The following CELSR3 variants were observed in gnomAD, a reference collection of about 807,000 sequenced individuals.
CELSR3 encodes the protein cadherin EGF LAG seven-pass G-type receptor 3.
Under a neutral mutation model 270.0 loss-of-function variants are expected in CELSR3, and 73 were observed. The ratio of observed to expected loss-of-function variants is 0.27; its 90% CI spans 0.22 to 0.33. The LOEUF is 0.33. Among genes scored for constraint, CELSR3 ranks in the 10% least tolerant of loss-of-function variants. The pLI is 1.00. For synonymous variants in CELSR3, 1,780 were observed against 1,905.4 expected (o/e 0.93, Z 1.71); for missense variants, 3,614 against 4,533.8 (o/e 0.80, Z 5.83).
At position 48,644,692 on chromosome 3, in the gene CELSR3, G is replaced by C; in HGVS notation, c.8085+24C>G. On this transcript the variant is annotated intron_variant, in intron 26 of 34. Transcript: ENST00000164024. This position sits in a 1 kb window ranked among gnomAD's most constrained non-coding sequence, Gnocchi z 4.8. ...CCAATGAGGGAGGGAAGTACAGAGG[G>C]GGCACCAAGTCCAGGGCACTCACCA... 1 of 1,574,490 alleles carries C rather than the reference G, an allele frequency of 6.4e-7. No individual in the cohort carries two copies. The highest frequency in any genetic ancestry group is 8.7e-7 in the Non-Finnish European group (1 of 1,145,056).
Position 48,649,188 on chromosome 3 carries a change from G to A in CELSR3, c.6500C>T (p.Ala2167Val), listed in dbSNP as rs748223065. ...LGAAVRLCDE[A>V]QGWLEPDLFN... ...GAGGTCGGGCTCCAGCCAACCCTGG[G>A]CCTCATCACACAGCCGCACAGCAGC... The change falls in exon 17 of 35, where the codon GCC (alanine) becomes GTC (valine). Residue 2167 changes from alanine (A) to valine (V), a missense_variant. Physicochemically the swap from Ala to Val is moderately conservative, Grantham distance 64 (BLOSUM62 0). This residue lies in a region of CELSR3 where 1,331 missense variants were observed against 1,933.7 expected (regional missense o/e 0.69). Coordinates refer to ENST00000164024, the MANE Select transcript of CELSR3 (RefSeq NM_001407.3). The A allele has an allele frequency of 4.3e-6, 7 of 1,611,682 alleles. No homozygotes were observed. The highest frequency in any genetic ancestry group is 5.9e-6 in the Non-Finnish European group (7 of 1,179,228).
In CELSR3 at chr3:48,662,593, C is replaced by A; in HGVS notation, c.42G>T (p.Arg14=). ...GAAGGAGCAGGAGTATGGGGGTCGA[C>A]CGTCCCCCGAGGCCCCGCCACGGCG... ...RRPPWRGLGG[R]STPILLLLLL... is the part of the protein sequence containing the mutation. Residue 14 remains arginine, a synonymous_variant, in exon 1 of 35, where the codon CGG becomes CGT. Coordinates refer to ENST00000164024, the MANE Select transcript of CELSR3 (RefSeq NM_001407.3). This position sits in a 1 kb window ranked among gnomAD's most constrained non-coding sequence, Gnocchi z 7.1. 6.7e-7 allele frequency: 1 copy of A among 1,485,514 alleles called. No individual in the cohort carries two copies. The highest frequency in any genetic ancestry group is 2.2e-4 in the Middle Eastern group (1 of 4,582). The allele number at this position is 1,485,514 out of a possible 1,614,324, so 92.0% of individuals were successfully genotyped here. A position where few individuals can be genotyped will look rare whatever the true frequency, so the allele number is the denominator to read the frequency against.
Position 48,642,826 on chromosome 3 carries a change from G to T in CELSR3, c.8465C>A (p.Thr2822Asn), listed in dbSNP as rs754411287. Residue 2822 changes from threonine (T) to asparagine (N), a missense_variant, in exon 30 of 35, where the codon ACT becomes AAT. Thr to Asn is a moderately conservative substitution (Grantham distance 65, BLOSUM62 0). Around this residue, in one of 7 missense-constraint regions of CELSR3, gnomAD observed 1,240 missense variants for 1,351.7 expected, o/e 0.92. Coordinates refer to ENST00000164024, the MANE Select transcript of CELSR3 (RefSeq NM_001407.3). This position sits in a 1 kb window ranked among gnomAD's most constrained non-coding sequence, Gnocchi z 6.1. Reference protein sequence around the residue: ...LFEESGLIRITLGASTVSSVS... With the variant: ...LFEESGLIRINLGASTVSSVS... ...AGAGGAGACGGTGGAGGCGCCCAGA[G>T]TGATGCGGATGAGGCCACTCTCCTC... is the stretch of plus-strand genomic sequence containing the variant. 6.2e-7 allele frequency: 1 copy of T among 1,613,238 alleles called. No homozygotes were observed. Among genetic ancestry groups the T allele is most frequent in the East Asian group, 2.2e-5 (1 of 44,884 alleles).
In CELSR3 at chr3:48,636,691, C is replaced by T. The variant is rs1367721145; in HGVS notation, c.*1514G>A. On this transcript the variant is annotated 3_prime_UTR_variant, in exon 35 of 35. Transcript: ENST00000164024. ...TTGGGTCCTGGCTGGTGGGATTTAGCTCCAGTCAGGGAAGTAGAATTTCTA... is the reference window on the plus strand; with the variant it reads ...TTGGGTCCTGGCTGGTGGGATTTAGTTCCAGTCAGGGAAGTAGAATTTCTA... 2 of 152,230 alleles carry T rather than the reference C, an allele frequency of 1.3e-5. No homozygotes were observed. The highest frequency in any genetic ancestry group is 4.8e-5 in the African/African-American group (2 of 41,442). The allele number at this position is 152,230 out of a possible 1,614,324, so 9.4% of individuals were successfully genotyped here. A position where few individuals can be genotyped will look rare whatever the true frequency, so the allele number is the denominator to read the frequency against.
chr3:48,644,936 A>ATATC lies in CELSR3; in HGVS notation c.7972+98_7972+99insGATA. ...GGCAGAGCAGCAACCCCATGAATAGATGGCTTGGGGTTTGAGGTTGGGGGT... is the reference window on the plus strand; with the variant it reads ...GGCAGAGCAGCAACCCCATGAATAGATATCTGGCTTGGGGTTTGAGGTTGGGGGT... On this transcript the variant is annotated intron_variant, in intron 25 of 34. Transcript: ENST00000164024. This position sits in a 1 kb window ranked among gnomAD's most constrained non-coding sequence, Gnocchi z 4.8. The ATATC allele has an allele frequency of 6.6e-7, 1 of 1,514,364 alleles. No individual in the cohort carries two copies. Among genetic ancestry groups the ATATC allele is most frequent in the African/African-American group, 1.4e-5 (1 of 73,134 alleles). The allele number at this position is 1,514,364 out of a possible 1,614,324, so 93.8% of individuals were successfully genotyped here.
Position 48,661,299 on chromosome 3 carries a change from C to T in CELSR3, c.1336G>A (p.Val446Met). The change falls in exon 1 of 35, where the codon GTG becomes ATG. Residue 446 changes from valine (V) to methionine (M), a missense_variant. Val to Met is a conservative substitution (Grantham distance 21, BLOSUM62 1). This residue lies in a region of CELSR3 where 354 missense variants were observed against 500.9 expected (regional missense o/e 0.71). Coordinates refer to ENST00000164024, the MANE Select transcript of CELSR3 (RefSeq NM_001407.3). ...TGCAGGATAGGGTAGCCCTCCTCCA[C>T]ATTCTCGCGAAGGGTCTCCCGGTAC... ...AQYRETLRENVEEGYPILQLR... is the reference protein window; with the variant it reads ...AQYRETLRENMEEGYPILQLR... 1 of 1,613,444 alleles carries T rather than the reference C, an allele frequency of 6.2e-7. No homozygotes were observed. Among genetic ancestry groups the T allele is most frequent in the Non-Finnish European group, 8.5e-7 (1 of 1,179,816 alleles).
chr3:48,637,260 T>G lies in CELSR3; in HGVS notation c.*945A>C, dbSNP rs2046979541. Reference sequence around the variant, plus strand: ...GTGCCTAGGGCCACGGAGGATCCTGTAAACATAGGAGGCAGTGGCACCTAC... The same window carrying G: ...GTGCCTAGGGCCACGGAGGATCCTGGAAACATAGGAGGCAGTGGCACCTAC... On this transcript the variant is annotated 3_prime_UTR_variant, in exon 35 of 35. Coordinates refer to ENST00000164024, the MANE Select transcript of CELSR3 (RefSeq NM_001407.3). 6.6e-6 allele frequency: 1 copy of G among 152,590 alleles called. No individual in the cohort carries two copies. Among genetic ancestry groups the G allele is most frequent in the African/African-American group, 2.4e-5 (1 of 41,436 alleles). 9.5% of individuals were successfully genotyped at this position (152,590 alleles called of 1,614,324 possible). A position where few individuals can be genotyped will look rare whatever the true frequency, so the allele number is the denominator to read the frequency against.
At position 48,662,042 on chromosome 3, in the gene CELSR3, C is replaced by G. The variant is rs13085828; in HGVS notation, c.593G>C (p.Arg198Thr). The change falls in exon 1 of 35, where the codon AGA becomes ACA. Residue 198 changes from arginine (R) to threonine (T), a missense_variant. Arg to Thr is a moderately conservative substitution (Grantham distance 71, BLOSUM62 -1). Around this residue, in one of 7 missense-constraint regions of CELSR3, gnomAD observed 470 missense variants for 469.7 expected, o/e 1.00. Coordinates refer to ENST00000164024, the MANE Select transcript of CELSR3 (RefSeq NM_001407.3). This position sits in a 1 kb window ranked among gnomAD's most constrained non-coding sequence, Gnocchi z 7.1. ...CCCACAGCAGCGCGCGGTGCCCACTCTTTTGCGGGAGCCTGTCCCAGCGTT... is the reference window on the plus strand; with the variant it reads ...CCCACAGCAGCGCGCGGTGCCCACTGTTTTGCGGGAGCCTGTCCCAGCGTT... ...QRNAGTGSRK[R>T]VGTARCCGEL... 1.9e-6 allele frequency: 3 copies of G among 1,614,134 alleles called. No homozygotes were observed. The highest frequency in any genetic ancestry group is 4.5e-5 in the East Asian group (2 of 44,872).
In CELSR3 at chr3:48,653,595, T is replaced by G; in HGVS notation, c.5448+24A>C. The G allele has an allele frequency of 6.2e-7, 1 of 1,610,704 alleles. No homozygotes were observed. On this transcript the variant is annotated intron_variant, in intron 9 of 34. Transcript: ENST00000164024. The surrounding 1 kb of genome is among the most constrained non-coding windows in gnomAD (Gnocchi z 6.5). Reference sequence around the variant, plus strand: ...CCTAAGAGACTGAGAACTGAGGGTATAGGGGTGAGCAGGGTGGACACACCT... The same window carrying G: ...CCTAAGAGACTGAGAACTGAGGGTAGAGGGGTGAGCAGGGTGGACACACCT...
chr3:48,649,297 G>T, intron 16 of CELSR3, 82 bp from the exon 17 acceptor site: 1 of 1,127,016 alleles, frequency 8.9e-7, no homozygotes, highest in Non-Finnish European at 1.3e-6. Flanking sequence ...CTCCTATGCT[G>T]GGGGAATCCC....
rs1375951107 is a variant in CELSR3, at chr3:48,643,668, G to C, written c.8175C>G (p.Arg2725=). ...CCAGCAGAAGCAGCAGGAAGGAGCT[G>C]CGAAGGGTCCTGCTGTGGGGACATG... ...EAKKTSALTL[R]SSFLLLLLVS... is the part of the protein sequence containing the mutation. The change falls in exon 28 of 35, where the codon CGC becomes CGG. Residue 2725 remains arginine, a synonymous_variant. Transcript: ENST00000164024. The C allele has an allele frequency of 3.9e-6, 6 of 1,552,284 alleles. No homozygotes were observed. The highest frequency in any genetic ancestry group is 5.2e-6 in the Non-Finnish European group (6 of 1,147,670).
chr3:48,656,423 C>CCTTCAAA lies in CELSR3; in HGVS notation c.4400-65_4400-59dup, dbSNP rs1297447940. The CCTTCAAA allele has an allele frequency of 9.6e-6, 13 of 1,352,650 alleles. No individual in the cohort carries two copies. The African/African-American group carries it at 1.9e-4, about 19-fold the overall frequency. 83.8% of individuals were successfully genotyped at this position (1,352,650 alleles called of 1,614,324 possible). On this transcript the variant is annotated intron_variant, in intron 2 of 34. Coordinates refer to ENST00000164024, the MANE Select transcript of CELSR3 (RefSeq NM_001407.3). ...GCCCACGCCCGCCCCTGCTCCGGCC[C>CCTTCAAA]CTTCAAAGACCGCGCGCCCAGAGGC...
At chr3:48,638,435 C>T (rs1391792143) in intron 34 of CELSR3, among the ~76,000 whole-genome samples, 1 of 152,138 alleles carries the variant, frequency 6.6e-6, no homozygotes, top group Non-Finnish European at 1.5e-5. Context: ...GGCTCCTTGG[C>T]TGCCCAGGTG....
At position 48,661,903 on chromosome 3, in the gene CELSR3, C is replaced by A; in HGVS notation, c.732G>T (p.Glu244Asp). 1 of 1,612,288 alleles carries A rather than the reference C, an allele frequency of 6.2e-7. No homozygotes were observed. Among genetic ancestry groups the A allele is most frequent in the South Asian group, 1.1e-5 (1 of 91,046 alleles). Residue 244 changes from glutamate to aspartate, a missense_variant, in exon 1 of 35, where the codon GAG becomes GAT. Glu to Asp is a conservative substitution (Grantham distance 45, BLOSUM62 2). Transcript: ENST00000164024. ...CLPGASGSGP[E>D]LDSAPRTART... ...TCGCCGTGCGTGGTGCTGAATCCAG[C>A]TCGGGGCCAGATCCCGAGGCCCCTG...
chr3:48,651,033 A>G lies in CELSR3; in HGVS notation c.6229T>C (p.Cys2077Arg). The G allele has an allele frequency of 6.3e-7, 1 of 1,592,440 alleles. No homozygotes were observed. The highest frequency in any genetic ancestry group is 8.6e-7 in the Non-Finnish European group (1 of 1,169,380). The stretch of plus-strand genomic sequence containing the variant: ...GTGGAGCCCACAGGGTAGCAGTCAC[A>G]TGGGAGGCAAGAGTCACTGCCCCGC... ...RPRGSDSCLP[C>R]DCYPVGSTSR... The change falls in exon 15 of 35, where the codon TGT becomes CGT. Residue 2077 changes from cysteine (C) to arginine (R), a missense_variant. Around this residue, in one of 7 missense-constraint regions of CELSR3, gnomAD observed 1,331 missense variants for 1,933.7 expected, o/e 0.69. Transcript: ENST00000164024. This position sits in a 1 kb window ranked among gnomAD's most constrained non-coding sequence, Gnocchi z 7.4.
chr3:48,657,227 C>T lies in CELSR3; in HGVS notation c.3870G>A (p.Pro1290=), dbSNP rs1177632975. 6.8e-6 allele frequency: 11 copies of T among 1,613,380 alleles called. No individual in the cohort carries two copies. Among genetic ancestry groups the T allele is most frequent in the Admixed American group, 3.3e-5 (2 of 59,972 alleles). The change falls in exon 2 of 35, where the codon CCG becomes CCA. Residue 1290 remains proline (P), a synonymous_variant. Transcript: ENST00000164024. This position sits in a 1 kb window ranked among gnomAD's most constrained non-coding sequence, Gnocchi z 5.4. The part of the protein sequence containing the change: ...ENMWQERFLS[P]LLGRFLEGVA... ...CGCCCTCGAGGAAGCGGCCCAGCAG[C>T]GGTGACAGGAAGCGCTCCTGCCACA...
chr3:48,654,899 AG>A lies in CELSR3; in HGVS notation c.4988+144del. On this transcript the variant is annotated intron_variant, in intron 6 of 34. Transcript: ENST00000164024. This position sits in a 1 kb window ranked among gnomAD's most constrained non-coding sequence, Gnocchi z 5.4. ...TGGGGGCTAGGGTGAGTAGGCTTTC[AG>A]GGTCTTTGAGAGGAGAGGGGAATCT... 2 of 818,640 alleles carry A rather than the reference AG, an allele frequency of 2.4e-6. No individual in the cohort carries two copies. Among genetic ancestry groups the A allele is most frequent in the Non-Finnish European group, 4.0e-6 (2 of 500,054 alleles). The allele number at this position is 818,640 out of a possible 1,614,324, so 50.7% of individuals were successfully genotyped here. A position where few individuals can be genotyped will look rare whatever the true frequency, so the allele number is the denominator to read the frequency against.
chr3:48,637,990 TAA>T lies in CELSR3; in HGVS notation c.*213_*214del. On this transcript the variant is annotated 3_prime_UTR_variant, in exon 35 of 35. Coordinates refer to ENST00000164024, the MANE Select transcript of CELSR3 (RefSeq NM_001407.3). ...TCTGGTTACAAAGGTACAAAACGTA[TAA>T]AAGTCTCCCTCCAGTCCCCCGTCTC... is the stretch of plus-strand genomic sequence containing the variant. 1 of 523,700 alleles carries T rather than the reference TAA, an allele frequency of 1.9e-6. No individual in the cohort carries two copies. Among genetic ancestry groups the T allele is most frequent in the East Asian group, 2.9e-5 (1 of 34,354 alleles). The allele number at this position is 523,700 out of a possible 1,614,324, so 32.4% of individuals were successfully genotyped here.
In CELSR3 at chr3:48,662,410, C is replaced by G. The variant is rs778189217; in HGVS notation, c.225G>C (p.Gly75=). 1 of 1,612,602 alleles carries G rather than the reference C, an allele frequency of 6.2e-7. No individual in the cohort carries two copies. Among genetic ancestry groups the G allele is most frequent in the Non-Finnish European group, 8.5e-7 (1 of 1,179,820 alleles). ...PESSGVREDG[G]PGLGVREPIF... ...TAGGCTCCCTGACCCCCAGGCCAGG[C>G]CCCCCATCCTCCCGGACCCCGGAAG... is the stretch of plus-strand genomic sequence containing the variant. Residue 75 remains glycine (G), a synonymous_variant, in exon 1 of 35, where the codon GGG becomes GGC. Transcript: ENST00000164024. This position sits in a 1 kb window ranked among gnomAD's most constrained non-coding sequence, Gnocchi z 7.1.
Sources: allele counts gnomAD v4.1 joint callset (sites outside exome capture counted in the v4.1 genomes callset), GRCh38; gene constraint gnomAD v4.1.1; regional missense constraint gnomAD v4.1.1; non-coding constraint Gnocchi (gnomAD v3.1); transcripts MANE v1.5; gene names NCBI Gene and HGNC (gene_info 2026-07-23, HGNC 2026-07-21).